VPS13A: variants seen among roughly 807,000 people sequenced by gnomAD.
The protein encoded by VPS13A is vacuolar protein sorting 13 homolog A.
VPS13A carries 264 observed loss-of-function variants against 390.9 expected under a neutral mutation model. The ratio of observed to expected loss-of-function variants is 0.68; its 90% CI spans 0.61 to 0.75. The LOEUF (loss-of-function observed/expected upper bound fraction) is 0.75. Ranked by LOEUF, VPS13A falls within the 30% of genes least tolerant of loss-of-function variation. The pLI is 0.00. For synonymous variants in VPS13A, 1,231 were observed against 1,227.1 expected (o/e 1.00, Z -0.07); for missense variants, 3,409 against 3,733.9 (o/e 0.91, Z 2.27).
chr9:77,401,191 GTTC>G (rs1189922092), intron 68 of VPS13A, among the ~76,000 whole-genome samples: 1 of 152,032 alleles, frequency 6.6e-6, no homozygotes, highest in Non-Finnish European at 1.5e-5. Context: ...TTCCAGAGTA[GTTC>G]TTCTCATTCT....
intron 23 of VPS13A, 83 bp downstream of exon 23, chr9:77,260,307 T>A: frequency 7.2e-7 from 1 of 1,388,934 alleles, no homozygotes; most frequent in Non-Finnish European, 9.9e-7. Context: ...GAATTTTATA[T>A]AAGACAATTT....
chr9:77,302,976 G>T lies in VPS13A; in HGVS notation c.3874G>T (p.Glu1292Ter). The part of the protein sequence containing the change: ...VLDLLLPLNL[E>*]VVVERNLCWE... ...GGATCTACTCCTGCCATTAAATCTT[G>T]AGGTTGTGGTTGAACGAAATTTATG... The change falls in exon 34 of 72, where the codon GAG (glutamate) becomes TAG (stop). Residue 1292 changes from glutamate to a stop codon, truncating the protein, a stop_gained. Coordinates refer to ENST00000360280, the MANE Select transcript of VPS13A (RefSeq NM_033305.3). LOFTEE classifies it high-confidence loss of function. The T allele has an allele frequency of 6.2e-7, 1 of 1,613,974 alleles. No homozygotes were observed. The highest frequency in any genetic ancestry group is 8.5e-7 in the Non-Finnish European group (1 of 1,179,952).
chr9:77,305,649 G>A (rs1184132669), intron 34 of VPS13A: 1 of 175,128 alleles, frequency 5.7e-6, no homozygotes, highest in Non-Finnish European at 1.2e-5. Context: ...TAAAGTTGGG[G>A]CTTCCCTTAC....
chr9:77,420,581 CA>C lies in VPS13A; in HGVS notation c.*4578del, dbSNP rs1835312004. ...TTTTTAAAGTTTTTATTACTTTATA[CA>C]AATACAAATTAATTTATATTATAGT... On this transcript the variant is annotated 3_prime_UTR_variant, in exon 72 of 72. Transcript: ENST00000360280. The C allele has an allele frequency of 6.6e-6, 1 of 151,874 alleles. No individual in the cohort carries two copies. The allele number at this position is 151,874 out of a possible 1,614,324, so 9.4% of individuals were successfully genotyped here. A position where few individuals can be genotyped will look rare whatever the true frequency, so the allele number is the denominator to read the frequency against.
rs529955715 is a variant in VPS13A at position 77,180,911 on chromosome 9, TGTG to T, written c.100+3111_100+3113del. Among the ~76,000 whole-genome samples, 234 of 152,250 alleles carry T rather than the reference TGTG, an allele frequency of 1.5e-3. 1 individual carries two copies. Among genetic ancestry groups the T allele is most frequent in the African/African-American group, 5.3e-3 (222 of 41,546 alleles). ...AAAAAATAACAAGTCATTGTCCAGG[TGTG>T]GTGCTCATTCCTGTAATCCCAGCAC... On this transcript the variant is annotated intron_variant, in intron 1 of 71. Transcript: ENST00000360280.
At chr9:77,360,675 G>A (rs1218278153) in intron 59 of VPS13A, 34 bp downstream of exon 59, 2 of 1,454,422 alleles carry the variant, frequency 1.4e-6, no homozygotes, top group Non-Finnish European at 1.9e-6. Context: ...TGATGGAAAG[G>A]ATTAGGGAAA....
intron 33 of VPS13A, among the ~76,000 whole-genome samples, chr9:77,301,656 G>A (rs1342328314): frequency 6.6e-6 from 1 of 152,106 alleles, no homozygotes; most frequent in Non-Finnish European, 1.5e-5. Context: ...GTCACTTTGA[G>A]GTACAATGGG....
rs1278277038 is a variant in VPS13A, at chr9:77,345,030, G to T, written c.7177G>T (p.Val2393Leu). ...DNELGGIIAE[V>L]NLAEHSTVIT... ...CTAGCTTGGAGGTATTATAGCAGAA[G>T]TGAATTTGGCCGAGCATTCTACAGT... is the stretch of plus-strand genomic sequence containing the variant. Residue 2393 changes from valine (V) to leucine (L), a missense_variant, in exon 52 of 72, where the codon GTG becomes TTG. Physicochemically the swap from Val to Leu is conservative, Grantham distance 32. This residue lies in a region of VPS13A where 2,717 missense variants were observed against 2,917.4 expected (regional missense o/e 0.93). Coordinates refer to ENST00000360280, the MANE Select transcript of VPS13A (RefSeq NM_033305.3). 6.2e-7 allele frequency: 1 copy of T among 1,612,496 alleles called. No individual in the cohort carries two copies. Among genetic ancestry groups the T allele is most frequent in the Admixed American group, 1.7e-5 (1 of 59,986 alleles).
rs555448480 is a variant in VPS13A at position 77,403,321 on chromosome 9, G to A, written c.9275G>A (p.Arg3092His). ...ACAGATATGCTAATGATAACCAGAC[G>A]GTAACTTGCTTTCTTTCTCTTACGT... ...NKTDMLMITRRGVLFVTKGTF... is the reference protein window; with the variant it reads ...NKTDMLMITRHGVLFVTKGTF... The change falls in exon 69 of 72, where the codon CGT becomes CAT. Residue 3092 changes from arginine (R) to histidine (H), a missense_variant and splice_region_variant. Arg to His is a conservative substitution (Grantham distance 29). Coordinates refer to ENST00000360280, the MANE Select transcript of VPS13A (RefSeq NM_033305.3). The A allele has an allele frequency of 6.2e-6, 10 of 1,609,048 alleles. No individual in the cohort carries two copies. The highest frequency in any genetic ancestry group is 1.7e-4 in the Middle Eastern group (1 of 6,036).
At chr9:77,321,880 A>G in intron 44 of VPS13A, 134 bp downstream of exon 44, 5 of 1,051,234 alleles carry the variant, frequency 4.8e-6, no homozygotes, top group Non-Finnish European at 6.8e-6. Flanking sequence ...TATCCTTTCT[A>G]ATAGGTCAAG....
intron 70 of VPS13A, among the ~76,000 whole-genome samples, 156 bp downstream of exon 70, chr9:77,406,143 G>GAA (rs11325886): frequency 1.4e-5 from 2 of 139,646 alleles, no homozygotes; most frequent in African/African-American, 2.6e-5. Context: ...AGGCTTAAAG[G>GAA]AAAAAAAAAA....
At position 77,201,377 on chromosome 9, in the gene VPS13A, G is replaced by C. The variant is rs1003553884; in HGVS notation, c.157G>C (p.Val53Leu). Residue 53 changes from valine (V) to leucine (L), a missense_variant, in exon 3 of 72, where the codon GTA (valine) becomes CTA (leucine). Physicochemically the swap from Val to Leu is conservative, Grantham distance 32 (BLOSUM62 1). Around this residue, in one of 5 missense-constraint regions of VPS13A, gnomAD observed 2,717 missense variants for 2,917.4 expected, o/e 0.93. Coordinates refer to ENST00000360280, the MANE Select transcript of VPS13A (RefSeq NM_033305.3). ...ATTTTTTCTGTAGAGTCAACTGGATGTACCATTTAAAGTTAAAGTTGGTCA... is the reference window on the plus strand; with the variant it reads ...ATTTTTTCTGTAGAGTCAACTGGATCTACCATTTAAAGTTAAAGTTGGTCA... ...IKENALSQLD[V>L]PFKVKVGHIG... 4.3e-6 allele frequency: 7 copies of C among 1,609,622 alleles called. No homozygotes were observed. Among genetic ancestry groups the C allele is most frequent in the Non-Finnish European group, 6.0e-6 (7 of 1,176,246 alleles).
chr9:77,297,626 A>G (rs778471585), intron 33 of VPS13A, among the ~76,000 whole-genome samples: 12 of 151,370 alleles, frequency 7.9e-5, no homozygotes, highest in Non-Finnish European at 1.5e-4. Context: ...CATTCATGTT[A>G]CTCCATCCTA....
chr9:77,189,393 G>A (rs1477616073), intron 1 of VPS13A, among the ~76,000 whole-genome samples: 1 of 151,760 alleles, frequency 6.6e-6, no homozygotes, highest in Non-Finnish European at 1.5e-5. Context: ...TGTCAGTTTT[G>A]TTAAAATCAG....
chr9:77,276,028 T>C (rs1484290082), intron 25 of VPS13A, 37 bp from the exon 26 acceptor site: 1 of 1,603,976 alleles, frequency 6.2e-7, no homozygotes, highest in East Asian at 2.2e-5. Context: ...TGTTTTTGTT[T>C]TATGTAGTGG....
chr9:77,242,096 T>C (rs1824532214), intron 19 of VPS13A, among the ~76,000 whole-genome samples: 1 of 152,196 alleles, frequency 6.6e-6, no homozygotes. Flanking sequence ...TCTGGTTTTG[T>C]TAAGCCTGGG....
rs1829532281 is a variant in VPS13A, at chr9:77,318,435, C to T, written c.5157C>T (p.Gly1719=). The T allele has an allele frequency of 1.2e-6, 2 of 1,613,604 alleles. No individual in the cohort carries two copies. Among genetic ancestry groups the T allele is most frequent in the Non-Finnish European group, 1.7e-6 (2 of 1,179,800 alleles). ...IAPTTELVPK[G]EMIKMNIDSI... ...CCACAACTGAATTGGTACCCAAAGG[C>T]GAGATGATAAAAATGAACATTGATT... is the stretch of plus-strand genomic sequence containing the variant. Residue 1719 remains glycine, a synonymous_variant, in exon 41 of 72, where the codon GGC becomes GGT. Coordinates refer to ENST00000360280, the MANE Select transcript of VPS13A (RefSeq NM_033305.3).
chr9:77,390,216 G>A, intron 68 of VPS13A: 1 of 698,932 alleles, frequency 1.4e-6, no homozygotes, highest in Non-Finnish European at 1.8e-6. Context: ...CTCTCCAGAA[G>A]GATACTTCTG....
In VPS13A at chr9:77,418,453, C is replaced by T. The variant is rs185509839; in HGVS notation, c.*2447C>T. ...GACTTTGATTTCTGGTACTTGTGAT[C>T]AAAAGCAGCTTGTGATTTCTTCACA... On this transcript the variant is annotated 3_prime_UTR_variant, in exon 72 of 72. Transcript: ENST00000360280. 11 of 152,278 alleles carry T rather than the reference C, an allele frequency of 7.2e-5. No individual in the cohort carries two copies. The East Asian group carries it at 2.1e-3, about 29-fold the overall frequency. The allele number at this position is 152,278 out of a possible 1,614,324, so 9.4% of individuals were successfully genotyped here. A position where few individuals can be genotyped will look rare whatever the true frequency, so the allele number is the denominator to read the frequency against.
Sources: allele counts gnomAD v4.1 joint callset (sites outside exome capture counted in the v4.1 genomes callset), GRCh38; gene constraint gnomAD v4.1.1; regional missense constraint gnomAD v4.1.1; transcripts MANE v1.5; gene names NCBI Gene and HGNC (gene_info 2026-07-23, HGNC 2026-07-21).